Variants in CSGALNACT1 observed in about 807,000 individuals in gnomAD.
CSGALNACT1 encodes the protein beta4GalNAcT-1.
In CSGALNACT1, 52 loss-of-function variants were observed where a neutral mutation model predicts 51.0. That is an observed-to-expected ratio of 1.02 (90% CI 0.82 to 1.29). The LOEUF (loss-of-function observed/expected upper bound fraction) is 1.29. Ranked by LOEUF, CSGALNACT1 falls within the 50% of genes most tolerant of loss-of-function variation. The probability of loss-of-function intolerance (pLI) is 0.00; values close to 1 mark genes in which losing one functional copy is unlikely to be tolerated. For synonymous variants in CSGALNACT1, 341 were observed against 254.4 expected (o/e 1.34, Z -3.24); for missense variants, 935 against 679.2 (o/e 1.38, Z -4.19).
chr8:19,544,989 C>G (rs1457859054), intron 3 of CSGALNACT1, among the ~76,000 whole-genome samples: 1 of 150,402 alleles, frequency 6.6e-6, no homozygotes, highest in Non-Finnish European at 1.5e-5. Flanking sequence ...GCCAGTCAGT[C>G]CATCCTTTCA....
intron 2 of CSGALNACT1, among the ~76,000 whole-genome samples, chr8:19,598,889 C>A (rs146836966): frequency 6.6e-6 from 1 of 152,184 alleles, no homozygotes; most frequent in Non-Finnish European, 1.5e-5. Flanking sequence ...TTCATTCACT[C>A]GCTCATTCAT....
Position 19,640,833 on chromosome 8 carries a change from C to T in CSGALNACT1, c.-543-38968G>A, listed in dbSNP as rs1179101420. 4.6e-5 allele frequency among the ~76,000 whole-genome samples: 7 copies of T among 151,982 alleles called. No individual in the cohort carries two copies. The East Asian group carries it at 1.2e-3, about 25-fold the overall frequency. On this transcript the variant is annotated intron_variant, in intron 1 of 9. Transcript: ENST00000332246. ...TTATGAAATCTTTAGCAAACACACT[C>T]TGTATTTCAGAAAGTAGAATTATGA...
intron 1 of CSGALNACT1, among the ~76,000 whole-genome samples, chr8:19,677,645 T>G (rs1342683724): frequency 6.6e-6 from 1 of 152,138 alleles, no homozygotes; most frequent in Non-Finnish European, 1.5e-5. Flanking sequence ...GTGGATAGGT[T>G]TGTAAATTTA....
At chr8:19,601,461 T>C (rs1458324319) in intron 2 of CSGALNACT1, among the ~76,000 whole-genome samples, 2 of 152,198 alleles carry the variant, frequency 1.3e-5, no homozygotes, top group African/African-American at 4.8e-5. Context: ...TTCAAAAAGA[T>C]GTAGCTCTTC....
At chr8:19,566,583 C>T (rs757941301) in intron 3 of CSGALNACT1, among the ~76,000 whole-genome samples, 2 of 152,024 alleles carry the variant, frequency 1.3e-5, no homozygotes, top group African/African-American at 4.8e-5. Flanking sequence ...AAGATGTTTC[C>T]GTTTCTAAGA....
chr8:19,589,801 T>G (rs1390652668), intron 3 of CSGALNACT1, among the ~76,000 whole-genome samples: 2 of 152,236 alleles, frequency 1.3e-5, no homozygotes, highest in Non-Finnish European at 2.9e-5. Flanking sequence ...AGCATCCTTC[T>G]AATGCCTGAA....
chr8:19,436,462 G>C (rs2060393314), intron 6 of CSGALNACT1, among the ~76,000 whole-genome samples: 1 of 152,116 alleles, frequency 6.6e-6, no homozygotes, highest in Non-Finnish European at 1.5e-5. Context: ...GCCCAAAACA[G>C]TGTCTATCTC....
intron 1 of CSGALNACT1, among the ~76,000 whole-genome samples, chr8:19,613,316 T>G (rs2052563378): frequency 6.6e-6 from 1 of 152,230 alleles, no homozygotes; most frequent in African/African-American, 2.4e-5. Flanking sequence ...TATTTAGCAA[T>G]TATTCTATGA....
chr8:19,501,063 A>T lies in CSGALNACT1; in HGVS notation c.634+4138T>A, dbSNP rs181258705. On this transcript the variant is annotated intron_variant, in intron 4 of 9. Transcript: ENST00000454498. ...TCAGGAGTTCGAGACCAGCCTGGCC[A>T]ACATGGGGAAAGCCCATCTCTACTA... 2.6e-3 allele frequency among the ~76,000 whole-genome samples: 398 copies of T among 151,796 alleles called. 2 individuals carry two copies. Among genetic ancestry groups the T allele is most frequent in the African/African-American group, 9.4e-3 (386 of 41,116 alleles).
At chr8:19,458,376 T>A (rs148619510) in intron 5 of CSGALNACT1, 50 bp downstream of exon 4, 2 of 1,407,608 alleles carry the variant, frequency 1.4e-6, no homozygotes, top group East Asian at 4.6e-5. Flanking sequence ...GATATCAGTG[T>A]TCTAACACAC....
chr8:19,569,179 T>C (rs1047646379), intron 3 of CSGALNACT1, among the ~76,000 whole-genome samples: 4 of 152,276 alleles, frequency 2.6e-5, no homozygotes, highest in African/African-American at 9.6e-5. Flanking sequence ...TCCTGAAAAG[T>C]ACACAGTTAA....
At chr8:19,450,227 G>A (rs1336564758) in intron 5 of CSGALNACT1, among the ~76,000 whole-genome samples, 1 of 79,446 alleles carries the variant, frequency 1.3e-5, no homozygotes, top group Admixed American at 1.3e-4. Context: ...AAGAGGGAGG[G>A]GGAGGGGGCA....
intron 1 of CSGALNACT1, among the ~76,000 whole-genome samples, chr8:19,614,769 T>C (rs2052766256): frequency 1.3e-5 from 2 of 152,184 alleles, no homozygotes; most frequent in South Asian, 4.1e-4. Context: ...ATGTGCAAAC[T>C]GAAGGCAAGA....
chr8:19,596,653 A>T (rs1371181277), intron 2 of CSGALNACT1, among the ~76,000 whole-genome samples: 1 of 152,182 alleles, frequency 6.6e-6, no homozygotes, highest in Non-Finnish European at 1.5e-5. Context: ...CACTGTAAAT[A>T]CATTTTTTCA....
chr8:19,489,740 C>T (rs373839186), intron 4 of CSGALNACT1, among the ~76,000 whole-genome samples: 10 of 152,126 alleles, frequency 6.6e-5, no homozygotes, highest in African/African-American at 1.9e-4. Context: ...GCTGTCTTCA[C>T]GATGACATCT....
At chr8:19,613,721 T>A (rs1564260915) in intron 1 of CSGALNACT1, among the ~76,000 whole-genome samples, 1 of 152,352 alleles carries the variant, frequency 6.6e-6, no homozygotes, top group Admixed American at 6.5e-5. Flanking sequence ...TTATTATAAA[T>A]CACTTTTATT....
chr8:19,514,930 A>C (rs987522269), intron 3 of CSGALNACT1, among the ~76,000 whole-genome samples: 1 of 152,184 alleles, frequency 6.6e-6, no homozygotes, highest in Non-Finnish European at 1.5e-5. Context: ...AATATTTTTA[A>C]ATAATATTGT....
At chr8:19,411,387 C>T (rs564827343) in intron 8 of CSGALNACT1, among the ~76,000 whole-genome samples, 1 of 152,342 alleles carries the variant, frequency 6.6e-6, no homozygotes, top group South Asian at 2.1e-4. Context: ...TTCACGACTA[C>T]ATCTCCAGCA....
intron 1 of CSGALNACT1, among the ~76,000 whole-genome samples, chr8:19,706,808 G>A (rs2062196506): frequency 6.6e-6 from 1 of 152,024 alleles, no homozygotes; most frequent in Non-Finnish European, 1.5e-5. Flanking sequence ...TAAATCTTTT[G>A]TAGAGACAGG....
Sources: allele counts gnomAD v4.1 joint callset (sites outside exome capture counted in the v4.1 genomes callset), GRCh38; gene constraint gnomAD v4.1.1; transcripts MANE v1.5; gene names NCBI Gene and HGNC (gene_info 2026-07-23, HGNC 2026-07-21).